The following TUB variants were observed in gnomAD, a reference collection of about 807,000 sequenced individuals.
TUB encodes the protein TUB bipartite transcription factor, also known as tubby protein homolog.
In TUB, 33 loss-of-function variants were observed where a neutral mutation model predicts 59.7. The observed-to-expected ratio is 0.55, with a 90% CI of 0.42 to 0.74. TUB has a LOEUF of 0.74. TUB is among the 30% of genes least tolerant of loss of function. The probability of loss-of-function intolerance (pLI) is 0.00; values close to 1 mark genes in which losing one functional copy is unlikely to be tolerated. For missense variants in TUB, 659 were observed against 672.0 expected (o/e 0.98, Z 0.21); for synonymous variants, 293 against 256.4 (o/e 1.14, Z -1.36).
Position 8,023,650 on chromosome 11 carries a change from C to G in TUB, c.56+4292C>G, listed in dbSNP as rs149938343. 5.3e-3 allele frequency among the ~76,000 whole-genome samples: 815 copies of G among 152,354 alleles called. 2 individuals carry two copies. Among genetic ancestry groups the G allele is most frequent in the Non-Finnish European group, 9.4e-3 (638 of 68,030 alleles). On this transcript the variant is annotated intron_variant, in intron 1 of 11. Coordinates refer to the TUB transcript ENST00000534099. Reference sequence around the variant, plus strand: ...AATAGGTTTAAAATCAGACCTTTCACTGATAACTGTATTCTCTAGTCAGCA... The same window carrying G: ...AATAGGTTTAAAATCAGACCTTTCAGTGATAACTGTATTCTCTAGTCAGCA...
chr11:8,089,696 T>G, intron 2 of TUB, 35 bp downstream of exon 2: 1 of 1,612,990 alleles, frequency 6.2e-7, no homozygotes, highest in South Asian at 1.1e-5. Flanking sequence ...AAGGGAAGAG[T>G]CTGGGCTGGG....
chr11:8,026,964 A>G (rs1170121197), intron 1 of TUB, among the ~76,000 whole-genome samples: 1 of 152,160 alleles, frequency 6.6e-6, no homozygotes, highest in Non-Finnish European at 1.5e-5. Context: ...TGTAGCTTTC[A>G]GTGTATAGGT....
intron 4 of TUB, among the ~76,000 whole-genome samples, chr11:8,095,006 G>A (rs369070616): frequency 2.0e-5 from 3 of 152,246 alleles, no homozygotes; most frequent in South Asian, 2.1e-4. Context: ...TTGGGAAGGC[G>A]AGTGTATGCC....
intron 4 of TUB, among the ~76,000 whole-genome samples, chr11:8,094,620 C>T (rs1033954090): frequency 6.6e-6 from 1 of 152,202 alleles, no homozygotes; most frequent in Non-Finnish European, 1.5e-5. Flanking sequence ...ATGTGGACTT[C>T]CCTTGACTCC....
At chr11:8,095,474 C>T (rs200328978) in intron 4 of TUB, 24 bp from the exon 5 acceptor site, 56 of 1,593,432 alleles carry the variant, frequency 3.5e-5, no homozygotes, top group Non-Finnish European at 4.7e-5. Flanking sequence ...CTGGATGTAA[C>T]TCAGGCGTGT....
upstream of TUB, among the ~76,000 whole-genome samples, chr11:8,081,108 C>G (rs1413561878): frequency 1.6e-5 from 2 of 124,532 alleles, no homozygotes; most frequent in African/African-American, 3.1e-5. Context: ...GGGGAGGGGG[C>G]AAGGGCGCTC....
chr11:8,059,813 G>A lies in TUB; in HGVS notation c.203+20121G>A, dbSNP rs150600557. Among the ~76,000 whole-genome samples the A allele has an allele frequency of 2.7e-3, 406 of 152,228 alleles. 9 individuals are homozygous for A. Among genetic ancestry groups the A allele is most frequent in the South Asian group, 1.5e-3 (7 of 4,816 alleles). ...TTGTCAGCAGACAAGTGACATGCTC[G>A]GGTTGGCTTTTAAAAGTGTAATGTT... On this transcript the variant is annotated intron_variant, in intron 2 of 12. Coordinates refer to the TUB transcript ENST00000305253.
At chr11:8,093,811 G>C (rs1017962201) in intron 3 of TUB, among the ~76,000 whole-genome samples, 9 of 152,186 alleles carry the variant, frequency 5.9e-5, no homozygotes, top group Admixed American at 6.5e-5. Flanking sequence ...TCTGGCTGTT[G>C]ACTTGATTAC....
chr11:8,064,252 G>A (rs541362597), intron 2 of TUB, among the ~76,000 whole-genome samples: 1 of 152,328 alleles, frequency 6.6e-6, no homozygotes, highest in Non-Finnish European at 1.5e-5. Flanking sequence ...AGAACCCGTG[G>A]CCCCATGCTT....
At position 8,100,541 on chromosome 11, in the gene TUB, G is replaced by A. The variant is rs1944231934; in HGVS notation, c.1155G>A (p.Met385Ile). 7 of 1,614,106 alleles carry A rather than the reference G, an allele frequency of 4.3e-6. No individual in the cohort carries two copies. Among genetic ancestry groups the A allele is most frequent in the East Asian group, 2.2e-5 (1 of 44,872 alleles). The change falls in exon 10 of 12, where the codon ATG (methionine) becomes ATA (isoleucine). Residue 385 changes from methionine (M) to isoleucine (I), a missense_variant. This residue lies in a region of TUB where 226 missense variants were observed against 210.8 expected (regional missense o/e 1.07). Transcript: ENST00000299506. ...NVLGFKGPRK[M>I]SVIVPGMNMV... ...TAGGCTTCAAGGGGCCTCGGAAGAT[G>A]AGCGTGATTGTCCCAGGCATGAACA...
intron 9 of TUB, among the ~76,000 whole-genome samples, chr11:8,099,251 G>A (rs12288547): frequency 2.1e-3 from 326 of 152,262 alleles, no homozygotes; most frequent in South Asian, 4.1e-3. Context: ...CTCACTGAAC[G>A]TTCAACCTAA....
chr11:8,059,944 A>C (rs1943090549), intron 2 of TUB: 3 of 152,556 alleles, frequency 2.0e-5, no homozygotes, highest in Admixed American at 1.3e-4. Flanking sequence ...GACCGATAGG[A>C]GGGCTTCATG....
At chr11:8,081,170 C>T (rs928541579), upstream of TUB, among the ~76,000 whole-genome samples, 1 of 47,958 alleles carries the variant, frequency 2.1e-5, no homozygotes, top group Non-Finnish European at 4.5e-5. Flanking sequence ...CGGGGCGGGG[C>T]GGGGCGAGGG....
chr11:8,101,484 A>T lies in TUB; in HGVS notation c.1388-2A>T. The T allele has an allele frequency of 1.2e-6, 2 of 1,614,104 alleles. No individual in the cohort carries two copies. Among genetic ancestry groups the T allele is most frequent in the Non-Finnish European group, 1.7e-6 (2 of 1,180,006 alleles). ...TCTGTCTGTGCCTGTGCTTGGCCCC[A>T]GCGGACTACATCGTGATGCAGTTTG... On this transcript the variant is annotated splice_acceptor_variant, in intron 11 of 11. Transcript: ENST00000299506. LOFTEE classifies it high-confidence loss of function.
chr11:8,100,503 G>A lies in TUB; in HGVS notation c.1117G>A (p.Glu373Lys). 1 of 1,613,912 alleles carries A rather than the reference G, an allele frequency of 6.2e-7. No homozygotes were observed. The highest frequency in any genetic ancestry group is 8.5e-7 in the Non-Finnish European group (1 of 1,179,888). The change falls in exon 10 of 12, where the codon GAG becomes AAG. Residue 373 changes from glutamate to lysine, a missense_variant and splice_region_variant. Physicochemically the swap from Glu to Lys is moderately conservative, Grantham distance 56 (BLOSUM62 1). Around this residue, in one of 3 missense-constraint regions of TUB, gnomAD observed 226 missense variants for 210.8 expected, o/e 1.07. Coordinates refer to ENST00000299506, the MANE Select transcript of TUB (RefSeq NM_177972.3). ...LRQELAAVCY[E>K]TNVLGFKGPR... Reference sequence around the variant, plus strand: ...GCCAGTGTTGCGTTCTCTTTCCCAGGAGACAAACGTCTTAGGCTTCAAGGG... The same window carrying A: ...GCCAGTGTTGCGTTCTCTTTCCCAGAAGACAAACGTCTTAGGCTTCAAGGG...
intron 2 of TUB, among the ~76,000 whole-genome samples, chr11:8,073,316 C>T (rs1483948103): frequency 2.0e-5 from 3 of 152,142 alleles, no homozygotes; most frequent in African/African-American, 7.2e-5. Flanking sequence ...AATAAATTTT[C>T]AAAGAGTTTA....
At chr11:8,025,629 T>G (rs1448515900) in intron 1 of TUB, among the ~76,000 whole-genome samples, 2 of 152,252 alleles carry the variant, frequency 1.3e-5, no homozygotes, top group African/African-American at 4.8e-5. Context: ...TATTGTGATA[T>G]TCTTCAATAC....
intron 1 of TUB, among the ~76,000 whole-genome samples, chr11:8,083,523 G>C (rs1391118243): frequency 6.6e-6 from 1 of 152,154 alleles, no homozygotes; most frequent in Admixed American, 6.5e-5. Flanking sequence ...AAATGATCCT[G>C]TTCTAGCAAG....
upstream of TUB, among the ~76,000 whole-genome samples, chr11:8,080,393 A>G (rs1338009618): frequency 6.7e-6 from 1 of 149,848 alleles, no homozygotes; most frequent in African/African-American, 2.5e-5. Context: ...CTTGCATTCA[A>G]GCTGGTCCTA....
Sources: allele counts gnomAD v4.1 joint callset (sites outside exome capture counted in the v4.1 genomes callset), GRCh38; gene constraint gnomAD v4.1.1; regional missense constraint gnomAD v4.1.1; transcripts MANE v1.5; gene names NCBI Gene and HGNC (gene_info 2026-07-23, HGNC 2026-07-21).